CFAP69: variants seen among roughly 807,000 people sequenced by gnomAD.
The protein encoded by CFAP69 is cilia- and flagella-associated protein 69.
In CFAP69, 92 loss-of-function variants were observed where a neutral mutation model predicts 123.0. The observed-to-expected ratio is 0.75, with a 90% CI of 0.63 to 0.89. The LOEUF (loss-of-function observed/expected upper bound fraction) is 0.89. CFAP69 is among the 40% of genes least tolerant of loss of function. The pLI is 0.00. For missense variants in CFAP69, 1,067 were observed against 1,096.9 expected (o/e 0.97, Z 0.39); for synonymous variants, 380 against 364.3 (o/e 1.04, Z -0.49).
intron 4 of CFAP69, among the ~76,000 whole-genome samples, chr7:90,264,624 A>T (rs1352038154): frequency 6.6e-6 from 1 of 152,120 alleles, no homozygotes; most frequent in East Asian, 1.9e-4. Flanking sequence ...ATATAATTAT[A>T]GCTATAATTT....
chr7:90,245,679 C>T, intron 1 of CFAP69, 135 bp downstream of exon 1: 2 of 1,183,782 alleles, frequency 1.7e-6, no homozygotes, highest in Non-Finnish European at 2.3e-6. Flanking sequence ...GATGGAGATT[C>T]CAAGCGCAGA....
rs1280955583 is a variant in CFAP69, at chr7:90,279,544, AT to A, written c.1156-131del. 4 of 543,358 alleles carry A rather than the reference AT, an allele frequency of 7.4e-6. No homozygotes were observed. In the African/African-American group the frequency reaches 7.8e-5, roughly 11 times the overall value. The allele number at this position is 543,358 out of a possible 1,614,324, so 33.7% of individuals were successfully genotyped here. A position where few individuals can be genotyped will look rare whatever the true frequency, so the allele number is the denominator to read the frequency against. Reference sequence around the variant, plus strand: ...GTTTTTTTTTTGGTACCTATCATAGATTGGGGTTATTTTATAAAGGAATTAT... The same window carrying A: ...GTTTTTTTTTTGGTACCTATCATAGATGGGGTTATTTTATAAAGGAATTAT... On this transcript the variant is annotated intron_variant, in intron 11 of 22. Coordinates refer to ENST00000389297, the MANE Select transcript of CFAP69 (RefSeq NM_001039706.3).
intron 15 of CFAP69, among the ~76,000 whole-genome samples, chr7:90,290,755 CTT>C (rs1791020519): frequency 1.2e-4 from 1 of 8,056 alleles, no homozygotes. Flanking sequence ...CTTTTCTTTT[CTT>C]TTCTTTTCTT....
chr7:90,267,256 G>A (rs989422692), intron 5 of CFAP69, among the ~76,000 whole-genome samples: 1 of 152,136 alleles, frequency 6.6e-6, no homozygotes, highest in Non-Finnish European at 1.5e-5. Flanking sequence ...TTTCCTTTGT[G>A]CTTCCTCCTT....
chr7:90,250,001 C>G (rs1796769999), intron 1 of CFAP69, among the ~76,000 whole-genome samples: 2 of 152,192 alleles, frequency 1.3e-5, no homozygotes, highest in Admixed American at 1.3e-4. Context: ...AGTAATACTT[C>G]CATGAACTGT....
At chr7:90,299,192 T>C (rs1368521784) in intron 16 of CFAP69, among the ~76,000 whole-genome samples, 1 of 152,122 alleles carries the variant, frequency 6.6e-6, no homozygotes, top group Non-Finnish European at 1.5e-5. Flanking sequence ...TAAAAGTTAA[T>C]CAACAAAAAG....
At chr7:90,245,998 G>C (rs1284180851) in intron 1 of CFAP69, among the ~76,000 whole-genome samples, 1 of 152,112 alleles carries the variant, frequency 6.6e-6, no homozygotes, top group Non-Finnish European at 1.5e-5. Context: ...AATTTGCTGC[G>C]ACTAAAGCCT....
chr7:90,293,057 A>G (rs976122517), intron 15 of CFAP69, among the ~76,000 whole-genome samples: 5 of 152,226 alleles, frequency 3.3e-5, no homozygotes, highest in African/African-American at 1.2e-4. Flanking sequence ...TTATGTAGCA[A>G]TTATAACTAT....
chr7:90,298,251 G>T (rs897837255), intron 16 of CFAP69, among the ~76,000 whole-genome samples: 1 of 152,190 alleles, frequency 6.6e-6, no homozygotes, highest in Non-Finnish European at 1.5e-5. Context: ...AAAGAACTAT[G>T]TATTATTTGG....
chr7:90,262,025 G>C lies in CFAP69; in HGVS notation c.325G>C (p.Glu109Gln). The change falls in exon 4 of 23, where the codon GAA (glutamate) becomes CAA (glutamine). Residue 109 changes from glutamate (E) to glutamine (Q), a missense_variant. By Grantham distance (29) the Glu-to-Gln change is conservative (BLOSUM62 2). Coordinates refer to ENST00000389297, the MANE Select transcript of CFAP69 (RefSeq NM_001039706.3). ...GKIKNQPRFIESAYDIIKLCG... is the reference protein window; with the variant it reads ...GKIKNQPRFIQSAYDIIKLCG... ...AATAAAAAACCAGCCTCGTTTTATA[G>C]AATCTGCATATGATATCATAAAACT... is the stretch of plus-strand genomic sequence containing the variant. The C allele has an allele frequency of 6.3e-7, 1 of 1,599,076 alleles. No homozygotes were observed. Among genetic ancestry groups the C allele is most frequent in the Non-Finnish European group, 8.5e-7 (1 of 1,173,634 alleles).
chr7:90,317,394 T>C, the CFAP69 span: 1 of 152,124 alleles, frequency 6.6e-6, no homozygotes, highest in African/African-American at 2.4e-5. Flanking sequence ...TGTCTGGTCA[T>C]TTTTATGAGA....
At chr7:90,277,486 T>C (rs1788791244) in intron 11 of CFAP69, 152 bp downstream of exon 11, 3 of 600,426 alleles carry the variant, frequency 5.0e-6, no homozygotes, top group Non-Finnish European at 7.5e-6. Flanking sequence ...GCTTTTAAAT[T>C]TTTTCTTTGC....
chr7:90,263,284 C>A (rs1350010024), intron 4 of CFAP69, among the ~76,000 whole-genome samples: 1 of 152,054 alleles, frequency 6.6e-6, no homozygotes, highest in Non-Finnish European at 1.5e-5. Flanking sequence ...TTTCTAATTT[C>A]AGCTTATGTC....
intron 3 of CFAP69, among the ~76,000 whole-genome samples, chr7:90,259,472 G>A (rs17862133): frequency 1.6e-4 from 6 of 36,684 alleles, no homozygotes; most frequent in African/African-American, 5.9e-4. Context: ...GTTTTGGGGT[G>A]TTTGTTTGTT....
chr7:90,289,536 TTA>T (rs1258082281), intron 15 of CFAP69, among the ~76,000 whole-genome samples: 10 of 152,206 alleles, frequency 6.6e-5, no homozygotes, highest in African/African-American at 2.2e-4. Context: ...CCTTTTTCTG[TTA>T]TATGTTTGTC....
chr7:90,277,051 T>C, intron 9 of CFAP69, 22 bp from the exon 10 acceptor site: 1 of 1,502,062 alleles, frequency 6.7e-7, no homozygotes, highest in Non-Finnish European at 9.0e-7. Context: ...ATCTTTCTGC[T>C]TATTTTATGT....
At position 90,304,863 on chromosome 7, in the gene CFAP69, C is replaced by CA. The variant is rs750590785; in HGVS notation, c.2265+49dup. 2.2e-5 allele frequency: 26 copies of CA among 1,189,554 alleles called. No homozygotes were observed. In the African/African-American group the frequency reaches 3.5e-4, roughly 16 times the overall value. 73.7% of individuals were successfully genotyped at this position (1,189,554 alleles called of 1,614,324 possible). ...AACCTGATTATTAAAATCTAGATAGCAAAAAATTAACTGGAAAATAAAATA... is the reference window on the plus strand; with the variant it reads ...AACCTGATTATTAAAATCTAGATAGCAAAAAAATTAACTGGAAAATAAAATA... On this transcript the variant is annotated intron_variant, in intron 19 of 22. Coordinates refer to ENST00000389297, the MANE Select transcript of CFAP69 (RefSeq NM_001039706.3).
intron 15 of CFAP69, among the ~76,000 whole-genome samples, chr7:90,290,182 A>T (rs113905213): frequency 1.3e-5 from 2 of 152,330 alleles, no homozygotes; most frequent in African/African-American, 4.8e-5. Flanking sequence ...GAGATTTATC[A>T]TAAGGAATTG....
In CFAP69 at chr7:90,297,814, T is replaced by A. The variant is rs1332491745; in HGVS notation, c.1841T>A (p.Leu614His). The change falls in exon 16 of 23, where the codon CTT becomes CAT. Residue 614 changes from leucine (L) to histidine (H), a missense_variant. Transcript: ENST00000389297. ...YFLEKEGIFL[L>H]LDLLALNQKK... ...CTTGAAAAGGAAGGCATTTTTCTCCTTTTGGATTTGTTAGCAGTAAGTATG... is the reference window on the plus strand; with the variant it reads ...CTTGAAAAGGAAGGCATTTTTCTCCATTTGGATTTGTTAGCAGTAAGTATG... The A allele has an allele frequency of 4.4e-6, 7 of 1,577,698 alleles. No homozygotes were observed. The highest frequency in any genetic ancestry group is 6.0e-6 in the Non-Finnish European group (7 of 1,168,864).
Sources: gnomAD v4.1 joint callset for allele counts (sites outside exome capture counted in the v4.1 genomes callset) on GRCh38, gnomAD v4.1.1 for gene constraint, MANE v1.5 for transcripts, NCBI Gene and HGNC (gene_info 2026-07-23, HGNC 2026-07-21) for gene names.